The following NRAP variants were observed in gnomAD, a reference collection of about 807,000 sequenced individuals.
NRAP encodes nebulin related anchoring protein.
NRAP carries 189 observed loss-of-function variants against 225.9 expected under a neutral mutation model. The observed-to-expected ratio is 0.84, with a 90% CI of 0.74 to 0.94. The LOEUF is 0.94. Among genes scored for constraint, NRAP ranks in the 40% least tolerant of loss-of-function variants. The probability of loss-of-function intolerance (pLI) is 0.00; values close to 1 mark genes in which losing one functional copy is unlikely to be tolerated. For missense variants in NRAP, 2,176 were observed against 2,168.7 expected, an observed-to-expected ratio of 1.00 and a Z score of -0.07; for synonymous variants, 769 against 790.7, an observed-to-expected ratio of 0.97 and a Z score of 0.46.
Position 113,599,205 on chromosome 10 carries a change from G to A in NRAP, c.4228-1132C>T, listed in dbSNP as rs564635546. The stretch of plus-strand genomic sequence containing the variant: ...TCTCTTTCATTTCAGGATTCACAGC[G>A]TTCCTCACAGCTGGCCTCAAAGAGG... On this transcript the variant is annotated intron_variant, in intron 35 of 41. Transcript: ENST00000359988. Among the ~76,000 whole-genome samples the A allele has an allele frequency of 1.9e-4, 29 of 152,260 alleles. No homozygotes were observed. In the South Asian group the frequency reaches 4.6e-3, roughly 24 times the overall value.
chr10:113,592,848 A>G (rs372930799), intron 38 of NRAP, among the ~76,000 whole-genome samples: 2 of 152,300 alleles, frequency 1.3e-5, no homozygotes, highest in South Asian at 2.1e-4. Context: ...CGAAGGGAAG[A>G]GCCTTCACCT....
At chr10:113,635,967 T>C (rs753076308) in intron 14 of NRAP, among the ~76,000 whole-genome samples, 54 of 152,302 alleles carry the variant, frequency 3.5e-4, no homozygotes, top group African/African-American at 8.4e-4. Flanking sequence ...GGATCCCAAA[T>C]TGACCCAGTG....
chr10:113,612,624 C>T (rs562579635), intron 29 of NRAP, among the ~76,000 whole-genome samples, 193 bp from the exon 30 acceptor site: 1 of 152,262 alleles, frequency 6.6e-6, no homozygotes, highest in South Asian at 2.1e-4. Flanking sequence ...CTTACCACCC[C>T]CAGCTCCTGG....
intron 9 of NRAP, among the ~76,000 whole-genome samples, chr10:113,648,425 C>A (rs960066278): frequency 1.4e-4 from 16 of 117,094 alleles, no homozygotes; most frequent in Non-Finnish European, 2.1e-4. Context: ...GTGTTTGTAA[C>A]TTTATTTTAG....
intron 32 of NRAP, among the ~76,000 whole-genome samples, chr10:113,607,636 C>T (rs138772449): frequency 2.6e-5 from 4 of 152,208 alleles, no homozygotes; most frequent in South Asian, 4.1e-4. Context: ...GCCCAAGCTG[C>T]AATTTCTTGC....
chr10:113,634,378 A>T (rs893269002), intron 14 of NRAP, among the ~76,000 whole-genome samples, 168 bp from the exon 15 acceptor site: 2 of 152,216 alleles, frequency 1.3e-5, no homozygotes, highest in African/African-American at 4.8e-5. Context: ...AGATAGAAAA[A>T]CAGTACATTG....
chr10:113,606,378 A>C, intron 32 of NRAP, 96 bp from the exon 33 acceptor site: 1 of 732,690 alleles, frequency 1.4e-6, no homozygotes, highest in Non-Finnish European at 2.3e-6. Context: ...AGGAAACACA[A>C]TAGCAAAAAA....
intron 19 of NRAP, 24 bp downstream of exon 19, chr10:113,629,559 TGAAGA>T (rs1848466570): frequency 6.7e-7 from 1 of 1,484,856 alleles, no homozygotes; most frequent in Admixed American, 1.7e-5. Context: ...AAGAGATGCA[TGAAGA>T]GAACTGATAA....
In NRAP at chr10:113,588,741, T is replaced by C; in HGVS notation, c.*234A>G. On this transcript the variant is annotated 3_prime_UTR_variant, in exon 42 of 42. Coordinates refer to ENST00000359988, the MANE Select transcript of NRAP (RefSeq NM_198060.4). Reference sequence around the variant, plus strand: ...AGCGGGAACCACCATCACATCTTTATTCCTCAGCCCAGACACTCGAGGCAC... The same window carrying C: ...AGCGGGAACCACCATCACATCTTTACTCCTCAGCCCAGACACTCGAGGCAC... 1.8e-6 allele frequency: 1 copy of C among 558,456 alleles called. No homozygotes were observed. The highest frequency in any genetic ancestry group is 1.9e-5 in the African/African-American group (1 of 53,372). The allele number at this position is 558,456 out of a possible 1,614,324, so 34.6% of individuals were successfully genotyped here.
Position 113,648,461 on chromosome 10 carries a change from CTCTCTCTA to C in NRAP, c.889-1442_889-1435del, listed in dbSNP as rs1371530541. 2.0e-3 allele frequency among the ~76,000 whole-genome samples: 256 copies of C among 125,898 alleles called. 1 individual carries two copies. The highest frequency in any genetic ancestry group is 7.0e-3 in the African/African-American group (228 of 32,788). The allele number at this position is 125,898 out of a possible 152,430, so 82.6% of individuals were successfully genotyped here. A position where few individuals can be genotyped will look rare whatever the true frequency, so the allele number is the denominator to read the frequency against. ...TTTCTCTCTCTCTCTCTCTCTCTCT[CTCTCTCTA>C]TATATATATATATATATATATGTTG... On this transcript the variant is annotated intron_variant, in intron 9 of 41. Transcript: ENST00000359988.
At position 113,594,507 on chromosome 10, in the gene NRAP, C is replaced by T. The variant is rs945999600; in HGVS notation, c.4536+1116G>A. On this transcript the variant is annotated intron_variant, in intron 38 of 41. Transcript: ENST00000359988. The stretch of plus-strand genomic sequence containing the variant: ...CAGCGATGGGTCTCCAATCGTTCCT[C>T]AAATGGAGGCCTTGCCTTCCCCCAT... 8.5e-5 allele frequency among the ~76,000 whole-genome samples: 13 copies of T among 152,304 alleles called. No individual in the cohort carries two copies. The South Asian group carries it at 2.3e-3, about 27-fold the overall frequency.
In NRAP at chr10:113,626,108, G is replaced by A. The variant is rs895610066; in HGVS notation, c.2183C>T (p.Thr728Ile). ...YRQRVDELKF[T>I]SVTDSSQMEH... ...CATCTGGGAGCTGTCGGTCACGCTG[G>A]TGAACTTCAGCTCATCGACCCTCTG... Residue 728 changes from threonine (T) to isoleucine (I), a missense_variant, in exon 21 of 42, where the codon ACC becomes ATC. By Grantham distance (89) the Thr-to-Ile change is moderately conservative. This residue lies in a region of NRAP where 1,708 missense variants were observed against 1,695.5 expected (regional missense o/e 1.01). Coordinates refer to ENST00000359988, the MANE Select transcript of NRAP (RefSeq NM_198060.4). 6.2e-7 allele frequency: 1 copy of A among 1,611,904 alleles called. No homozygotes were observed. Among genetic ancestry groups the A allele is most frequent in the Non-Finnish European group, 8.5e-7 (1 of 1,179,288 alleles).
At chr10:113,610,340 A>T in intron 31 of NRAP, 119 bp downstream of exon 31, 4 of 548,332 alleles carry the variant, frequency 7.3e-6, no homozygotes, top group Non-Finnish European at 9.7e-6. Context: ...ACAGAGCGAG[A>T]CTCCATCTCA....
intron 35 of NRAP, among the ~76,000 whole-genome samples, chr10:113,600,249 C>A: frequency 6.6e-6 from 1 of 151,272 alleles, no homozygotes; most frequent in East Asian, 1.9e-4. Context: ...TGGTTCACTG[C>A]AGTCTTGATC....
At chr10:113,615,659 G>T in intron 27 of NRAP, 53 bp downstream of exon 27, 1 of 987,422 alleles carries the variant, frequency 1.0e-6, no homozygotes, top group South Asian at 1.3e-5. Context: ...GCCTGCCCAT[G>T]ACCAGCCCCG....
Position 113,652,964 on chromosome 10 carries a change from C to T in NRAP, c.541G>A (p.Ala181Thr), listed in dbSNP as rs775915009. The change falls in exon 6 of 42, where the codon GCC becomes ACC. Residue 181 changes from alanine (A) to threonine (T), a missense_variant. By Grantham distance (58) the Ala-to-Thr change is moderately conservative. Coordinates refer to ENST00000359988, the MANE Select transcript of NRAP (RefSeq NM_198060.4). Reference sequence around the variant, plus strand: ...CTGGCCAGCTGGTTGGCTTTCTTGGCCCTTTGATAAGCAGGTGTGATCATG... The same window carrying T: ...CTGGCCAGCTGGTTGGCTTTCTTGGTCCTTTGATAAGCAGGTGTGATCATG... The part of the protein sequence containing the change: ...PAMITPAYQR[A>T]KKANQLASQV... The T allele has an allele frequency of 1.2e-6, 2 of 1,613,092 alleles. No individual in the cohort carries two copies. Among genetic ancestry groups the T allele is most frequent in the East Asian group, 2.2e-5 (1 of 44,824 alleles).
At chr10:113,589,369 G>C (rs910173736) in intron 41 of NRAP, 1 of 566,454 alleles carries the variant, frequency 1.8e-6, no homozygotes, top group Non-Finnish European at 3.1e-6. Flanking sequence ...AATGTAACGA[G>C]CAAGCAGTCA....
At chr10:113,624,203 T>C (rs1848159974) in intron 22 of NRAP, among the ~76,000 whole-genome samples, 2 of 152,138 alleles carry the variant, frequency 1.3e-5, no homozygotes, top group Non-Finnish European at 2.9e-5. Flanking sequence ...TCCCCATCTA[T>C]TTCTCAGATG....
rs762758169 is a variant in NRAP at position 113,662,746 on chromosome 10, G to C, written c.188C>G (p.Thr63Ser). ...YCHAHNPKNN[T>S]FTSVYHTPLN... ...TGGAGTGTGATAGACACTGGTGAAA[G>C]TGTTGTTCTTAGGGTTATGGCTACA... Residue 63 changes from threonine to serine, a missense_variant, in exon 3 of 42, where the codon ACT becomes AGT. Thr to Ser is a moderately conservative substitution (Grantham distance 58). Around this residue, in one of 3 missense-constraint regions of NRAP, gnomAD observed 1,708 missense variants for 1,695.5 expected, o/e 1.01. Transcript: ENST00000359988. 6.3e-7 allele frequency: 1 copy of C among 1,596,148 alleles called. No homozygotes were observed. Among genetic ancestry groups the C allele is most frequent in the Non-Finnish European group, 8.6e-7 (1 of 1,164,344 alleles).
Sources: allele counts gnomAD v4.1 joint callset (sites outside exome capture counted in the v4.1 genomes callset), GRCh38; gene constraint gnomAD v4.1.1; regional missense constraint gnomAD v4.1.1; transcripts MANE v1.5; gene names NCBI Gene and HGNC (gene_info 2026-07-23, HGNC 2026-07-21).